SLIT3: variants seen among roughly 807,000 people sequenced by gnomAD.
SLIT3 encodes the protein slit homolog 3 protein.
In SLIT3, 68 loss-of-function variants were observed where a neutral mutation model predicts 184.0. The observed-to-expected ratio is 0.37, with a 90% CI of 0.30 to 0.45. The LOEUF (loss-of-function observed/expected upper bound fraction) is 0.45. Ranked by LOEUF, SLIT3 falls within the 20% of genes least tolerant of loss-of-function variation. The probability of loss-of-function intolerance (pLI) is 1.00; values close to 1 mark genes in which losing one functional copy is unlikely to be tolerated. For synonymous variants in SLIT3, 831 were observed against 828.6 expected (o/e 1.00, Z -0.05); for missense variants, 1,707 against 2,026.0 (o/e 0.84, Z 3.02).
At chr5:168,779,852 A>G (rs948177708) in intron 12 of SLIT3, among the ~76,000 whole-genome samples, 1 of 152,100 alleles carries the variant, frequency 6.6e-6, no homozygotes, top group South Asian at 2.1e-4. Flanking sequence ...ACATGGGGAG[A>G]TGGCCCACAG....
intron 4 of SLIT3, among the ~76,000 whole-genome samples, chr5:169,052,274 T>C (rs1463845437): frequency 6.6e-6 from 1 of 152,188 alleles, no homozygotes; most frequent in Non-Finnish European, 1.5e-5. Flanking sequence ...GAATGCCAGA[T>C]GTTCTCACAA....
intron 10 of SLIT3, among the ~76,000 whole-genome samples, chr5:168,793,231 C>G (rs893782847): frequency 1.3e-5 from 2 of 152,072 alleles, no homozygotes. Flanking sequence ...TTTTTTTTCT[C>G]TCCCCCCTCC....
At chr5:168,728,098 C>T (rs895570349) in intron 20 of SLIT3, among the ~76,000 whole-genome samples, 9 of 152,010 alleles carry the variant, frequency 5.9e-5, no homozygotes, top group Non-Finnish European at 1.3e-4. Flanking sequence ...CAAAGACTGG[C>T]TCAGTTTGCA....
intron 1 of SLIT3, among the ~76,000 whole-genome samples, chr5:169,268,452 C>T (rs577980662): frequency 6.6e-6 from 1 of 152,334 alleles, no homozygotes; most frequent in Admixed American, 6.5e-5. Context: ...AAGTGGCCCT[C>T]ACTTGCAGGC....
chr5:169,059,462 C>T lies in SLIT3; in HGVS notation c.413+134017G>A, dbSNP rs1350745112. 3.9e-5 allele frequency among the ~76,000 whole-genome samples: 6 copies of T among 152,268 alleles called. No homozygotes were observed. The South Asian group carries it at 1.0e-3, about 26-fold the overall frequency. On this transcript the variant is annotated intron_variant, in intron 4 of 35. Coordinates refer to ENST00000519560, the MANE Select transcript of SLIT3 (RefSeq NM_003062.4). Reference sequence around the variant, plus strand: ...TCCCCACTTTATCCAGACATCAAGTCGTTTACCTGAGTTGCACTGCCAGAA... The same window carrying T: ...TCCCCACTTTATCCAGACATCAAGTTGTTTACCTGAGTTGCACTGCCAGAA...
In SLIT3 at chr5:169,104,698, G is replaced by A. The variant is rs908572343; in HGVS notation, c.413+88781C>T. On this transcript the variant is annotated intron_variant, in intron 4 of 35. Coordinates refer to ENST00000519560, the MANE Select transcript of SLIT3 (RefSeq NM_003062.4). ...CTCGTATTTTGGAGAGGGGCGCTTC[G>A]TGGATCCACTCACCCCCATGTCTGG... 3.3e-5 allele frequency among the ~76,000 whole-genome samples: 5 copies of A among 152,120 alleles called. 1 individual carries two copies. Among genetic ancestry groups the A allele is most frequent in the Admixed American group, 1.3e-4 (2 of 15,266 alleles).
In SLIT3 at chr5:168,753,068, C is replaced by T. The variant is rs1392213990; in HGVS notation, c.1860G>A (p.Val620=). 2 of 1,614,108 alleles carry T rather than the reference C, an allele frequency of 1.2e-6. No homozygotes were observed. The highest frequency in any genetic ancestry group is 1.7e-6 in the Non-Finnish European group (2 of 1,180,002). The change falls in exon 18 of 36, where the codon GTG becomes GTA. Residue 620 remains valine, a synonymous_variant. Coordinates refer to ENST00000519560, the MANE Select transcript of SLIT3 (RefSeq NM_003062.4). ...LMLRSNLIGC[V]SNDTFAGLSS... ...TCAGGCCGGCAAAGGTGTCATTACT[C>T]ACACAGCCGATCAAGTTACTCCTCA... is the stretch of plus-strand genomic sequence containing the variant.
chr5:168,762,530 T>G lies in SLIT3; in HGVS notation c.1610+9A>C. 1 of 1,610,940 alleles carries G rather than the reference T, an allele frequency of 6.2e-7. No homozygotes were observed. The highest frequency in any genetic ancestry group is 8.5e-7 in the Non-Finnish European group (1 of 1,177,300). ...AGGAGTAGGGAGTTCACGCCGAGGTTGGACTTACAGGTCGGTGACATATTC... is the reference window on the plus strand; with the variant it reads ...AGGAGTAGGGAGTTCACGCCGAGGTGGGACTTACAGGTCGGTGACATATTC... On this transcript the variant is annotated intron_variant, in intron 15 of 35. Transcript: ENST00000519560.
chr5:168,903,876 C>G lies in SLIT3; in HGVS notation c.414-20540G>C, dbSNP rs1000511344. On this transcript the variant is annotated intron_variant, in intron 4 of 35. Transcript: ENST00000519560. ...TGTCAAATGGGCATTTCCATAAAACCTTGATGTACAGAAATCATCACACTG... is the reference window on the plus strand; with the variant it reads ...TGTCAAATGGGCATTTCCATAAAACGTTGATGTACAGAAATCATCACACTG... Among the ~76,000 whole-genome samples, 7 of 152,130 alleles carry G rather than the reference C, an allele frequency of 4.6e-5. 1 individual carries two copies. The highest frequency in any genetic ancestry group is 1.7e-4 in the African/African-American group (7 of 41,402).
intron 1 of SLIT3, among the ~76,000 whole-genome samples, chr5:169,279,818 G>A (rs1766935904): frequency 6.6e-6 from 1 of 152,172 alleles, no homozygotes; most frequent in Non-Finnish European, 1.5e-5. Flanking sequence ...CCCCTCTGGT[G>A]CCTTTGTTCC....
chr5:169,260,939 A>G (rs1388731578), intron 1 of SLIT3, among the ~76,000 whole-genome samples: 1 of 152,224 alleles, frequency 6.6e-6, no homozygotes, highest in Non-Finnish European at 1.5e-5. Context: ...CCAGATAGTA[A>G]ATAATTTGGG....
chr5:169,172,846 C>T (rs1008207189), intron 4 of SLIT3, among the ~76,000 whole-genome samples: 8 of 152,276 alleles, frequency 5.3e-5, no homozygotes, highest in African/African-American at 9.6e-5. Flanking sequence ...GTTAAAGCAC[C>T]AGTCTCGGAG....
intron 4 of SLIT3, among the ~76,000 whole-genome samples, chr5:168,953,071 G>T (rs563649871): frequency 5.9e-5 from 9 of 152,192 alleles, no homozygotes; most frequent in Non-Finnish European, 1.2e-4. Context: ...GATATCAAGG[G>T]TGGAGGATTC....
At chr5:169,254,571 C>A (rs1765887368) in intron 1 of SLIT3, among the ~76,000 whole-genome samples, 1 of 152,046 alleles carries the variant, frequency 6.6e-6, no homozygotes, top group African/African-American at 2.4e-5. Context: ...GACTGCTGGA[C>A]AAACAAGACT....
chr5:169,159,279 A>T (rs1762400821), intron 4 of SLIT3, among the ~76,000 whole-genome samples: 1 of 150,710 alleles, frequency 6.6e-6, no homozygotes, highest in Non-Finnish European at 1.5e-5. Flanking sequence ...TACAAAAATT[A>T]GCCATGCATG....
chr5:168,877,750 CAG>C (rs777133647), intron 5 of SLIT3, among the ~76,000 whole-genome samples: 3 of 152,140 alleles, frequency 2.0e-5, no homozygotes, highest in Non-Finnish European at 2.9e-5. Flanking sequence ...CTGGCAGAGA[CAG>C]GGGTTATTGA....
intron 5 of SLIT3, among the ~76,000 whole-genome samples, chr5:168,853,570 C>G (rs757758169): frequency 6.6e-6 from 1 of 152,204 alleles, no homozygotes; most frequent in Non-Finnish European, 1.5e-5. Context: ...TTATTTAACA[C>G]TTACTAAGCA....
intron 4 of SLIT3, among the ~76,000 whole-genome samples, chr5:169,082,181 A>AGAAGCCATGTG (rs1022074161): frequency 1.3e-5 from 2 of 152,188 alleles, no homozygotes; most frequent in African/African-American, 2.4e-5. Context: ...ATCCTCGAGT[A>AGAAGCCATGTG]GAAGCCATGT....
intron 5 of SLIT3, among the ~76,000 whole-genome samples, chr5:168,865,173 C>CAA (rs70979103): frequency 0.078 from 4,222 of 54,326 alleles, 365 homozygotes; most frequent in African/African-American, 0.21. Context: ...AACTCCGTCT[C>CAA]AAAAAAAAAA....
Sources: allele counts gnomAD v4.1 joint callset (sites outside exome capture counted in the v4.1 genomes callset), GRCh38; gene constraint gnomAD v4.1.1; transcripts MANE v1.5; gene names NCBI Gene and HGNC (gene_info 2026-07-23, HGNC 2026-07-21).